The following KCNK2 variants were observed in gnomAD, a reference collection of about 807,000 sequenced individuals.
KCNK2 encodes potassium two pore domain channel subfamily K member 2, also known as potassium channel subfamily K member 2.
A neutral mutation model predicts 40.5 loss-of-function variants in KCNK2; 21 were observed. That is an observed-to-expected ratio of 0.52 (90% CI 0.37 to 0.75). KCNK2 has a LOEUF of 0.75. KCNK2 is among the 30% of genes least tolerant of loss of function. KCNK2 has a pLI of 0.00. For synonymous variants in KCNK2, 191 were observed against 202.2 expected (o/e 0.94, Z 0.47); for missense variants, 399 against 531.6 (o/e 0.75, Z 2.45).
chr1:215,140,999 CT>C (rs1454734015), intron 3 of KCNK2, among the ~76,000 whole-genome samples: 6 of 151,844 alleles, frequency 4.0e-5, no homozygotes, highest in Admixed American at 3.3e-4. Context: ...TTTTTAAAAA[CT>C]TTTTCAATAT....
chr1:215,137,229 A>T (rs1255335322), intron 3 of KCNK2, among the ~76,000 whole-genome samples: 15 of 152,232 alleles, frequency 9.9e-5, no homozygotes, highest in African/African-American at 3.1e-4. Flanking sequence ...AACAAGGTCA[A>T]TATCACGATG....
At chr1:215,203,792 T>A (rs2102675914) in intron 6 of KCNK2, among the ~76,000 whole-genome samples, 1 of 151,834 alleles carries the variant, frequency 6.6e-6, no homozygotes, top group African/African-American at 2.4e-5. Context: ...AACTAGTTTC[T>A]CTTTGGGAGG....
intron 1 of KCNK2, among the ~76,000 whole-genome samples, chr1:215,023,866 A>G (rs1321646898): frequency 1.3e-5 from 2 of 152,104 alleles, no homozygotes; most frequent in Non-Finnish European, 2.9e-5. Context: ...ATTATACTCT[A>G]TTTTGTTTTG....
chr1:215,216,244 A>G (rs577618007), intron 6 of KCNK2, among the ~76,000 whole-genome samples: 2 of 151,836 alleles, frequency 1.3e-5, no homozygotes, highest in South Asian at 4.2e-4. Flanking sequence ...TTACATATTC[A>G]TAAAAGAATA....
At chr1:215,086,297 C>T in intron 1 of KCNK2, 71 bp from the exon 2 acceptor site, 1 of 1,303,304 alleles carries the variant, frequency 7.7e-7, no homozygotes, top group Non-Finnish European at 1.1e-6. Context: ...TCTCTGACCC[C>T]TTAAAGAAGA....
At chr1:215,131,502 A>G (rs1014243309) in intron 3 of KCNK2, among the ~76,000 whole-genome samples, 2 of 147,390 alleles carry the variant, frequency 1.4e-5, no homozygotes, top group Admixed American at 6.8e-5. Context: ...TTATTAATAT[A>G]TAAAATTATA....
At chr1:215,219,301 G>A (rs996063093) in intron 6 of KCNK2, among the ~76,000 whole-genome samples, 1 of 152,112 alleles carries the variant, frequency 6.6e-6, no homozygotes, top group Non-Finnish European at 1.5e-5. Flanking sequence ...GTTGCATGTG[G>A]CCTCTCTGAG....
intron 6 of KCNK2, among the ~76,000 whole-genome samples, chr1:215,203,889 T>A (rs2102676072): frequency 6.6e-6 from 1 of 151,804 alleles, no homozygotes; most frequent in South Asian, 2.1e-4. Flanking sequence ...ACACAAAAAA[T>A]TAGCCGGGTG....
chr1:215,178,939 T>A (rs1664105688), intron 5 of KCNK2, among the ~76,000 whole-genome samples: 3 of 152,114 alleles, frequency 2.0e-5, no homozygotes, highest in African/African-American at 7.2e-5. Flanking sequence ...CTCTTCTTTG[T>A]ACATCTGGTA....
intron 1 of KCNK2, among the ~76,000 whole-genome samples, chr1:215,037,665 T>A (rs2102490332): frequency 6.6e-6 from 1 of 152,138 alleles, no homozygotes; most frequent in Non-Finnish European, 1.5e-5. Flanking sequence ...AGACTTTTCC[T>A]TGTGGGAGGT....
rs1330901909 is a variant in KCNK2, at chr1:215,236,765, G to A, written c.*1620G>A. On this transcript the variant is annotated 3_prime_UTR_variant, in exon 7 of 7. Coordinates refer to ENST00000444842, the MANE Select transcript of KCNK2 (RefSeq NM_001017425.3). Reference sequence around the variant, plus strand: ...TGATTTCTTTTACTTTTTTGTGTGTGGGGGTGGGAGCTGTATCTGAATAAG... The same window carrying A: ...TGATTTCTTTTACTTTTTTGTGTGTAGGGGTGGGAGCTGTATCTGAATAAG... The A allele has an allele frequency of 1.3e-5, 2 of 151,806 alleles. No homozygotes were observed. Among genetic ancestry groups the A allele is most frequent in the East Asian group, 3.9e-4 (2 of 5,184 alleles). The allele number at this position is 151,806 out of a possible 1,614,324, so 9.4% of individuals were successfully genotyped here.
intron 2 of KCNK2, among the ~76,000 whole-genome samples, chr1:215,092,093 G>C (rs1659715679): frequency 1.3e-5 from 2 of 152,158 alleles, no homozygotes. Flanking sequence ...GTAGAAACAG[G>C]GGAGGCAGGC....
chr1:215,020,782 T>C (rs1360668189), intron 1 of KCNK2, among the ~76,000 whole-genome samples: 4 of 152,146 alleles, frequency 2.6e-5, no homozygotes, highest in African/African-American at 4.8e-5. Flanking sequence ...AAAATGATAC[T>C]CATTTGGATG....
chr1:215,134,925 A>G lies in KCNK2; in HGVS notation c.475+10175A>G, dbSNP rs573669836. ...ATATATATATTTCTTATTATAAATT[A>G]TAGTATCATGAGGAATATGAAATAA... On this transcript the variant is annotated intron_variant, in intron 3 of 6. Coordinates refer to ENST00000444842, the MANE Select transcript of KCNK2 (RefSeq NM_001017425.3). Among the ~76,000 whole-genome samples, 8 of 152,014 alleles carry G rather than the reference A, an allele frequency of 5.3e-5. No homozygotes were observed. The South Asian group carries it at 1.7e-3, about 32-fold the overall frequency.
At chr1:215,087,360 C>A (rs1241927388) in intron 2 of KCNK2, among the ~76,000 whole-genome samples, 1 of 152,210 alleles carries the variant, frequency 6.6e-6, no homozygotes, top group Admixed American at 6.5e-5. Flanking sequence ...ATAAAACTAA[C>A]TTAGTTCTAA....
intron 6 of KCNK2, among the ~76,000 whole-genome samples, chr1:215,209,489 A>AATATATATTATATATATAATATATAT (rs1558140374): frequency 1.9e-3 from 49 of 26,420 alleles, no homozygotes; most frequent in South Asian, 0.013. Context: ...TATATAATAC[A>AATATATATTATATATATAATATATAT]TATATATAAT....
chr1:215,212,146 C>A (rs1234734894), intron 6 of KCNK2, among the ~76,000 whole-genome samples: 1 of 152,012 alleles, frequency 6.6e-6, no homozygotes, highest in East Asian at 1.9e-4. Flanking sequence ...ATAGCTGCAG[C>A]AAAATGTCAG....
intron 3 of KCNK2, among the ~76,000 whole-genome samples, chr1:215,132,908 A>G (rs1215898623): frequency 6.6e-6 from 1 of 152,222 alleles, no homozygotes; most frequent in East Asian, 1.9e-4. Context: ...TTCTCTTCTC[A>G]TTGCCTATGT....
intron 1 of KCNK2, among the ~76,000 whole-genome samples, chr1:215,026,934 A>AT (rs369699421): frequency 3.1e-3 from 478 of 152,050 alleles, no homozygotes; most frequent in African/African-American, 0.011. Flanking sequence ...GTTTCAGATC[A>AT]TTTTTCATTC....
Sources: gnomAD v4.1 joint callset for allele counts (sites outside exome capture counted in the v4.1 genomes callset) on GRCh38, gnomAD v4.1.1 for gene constraint, MANE v1.5 for transcripts, NCBI Gene and HGNC (gene_info 2026-07-23, HGNC 2026-07-21) for gene names.